The following PLCB4 variants were observed in gnomAD, a reference collection of about 807,000 sequenced individuals.
PLCB4 encodes 1-phosphatidylinositol 4,5-bisphosphate phosphodiesterase beta-4.
PLCB4 carries 77 observed loss-of-function variants against 178.8 expected under a neutral mutation model. The observed-to-expected ratio is 0.43, with a 90% CI of 0.36 to 0.52. The LOEUF (loss-of-function observed/expected upper bound fraction) is 0.52, where lower values mean the gene tolerates loss of function less well. Ranked by LOEUF, PLCB4 falls within the 20% of genes least tolerant of loss-of-function variation. The pLI is 0.00. For missense variants in PLCB4, 1,024 were observed against 1,453.4 expected (o/e 0.70, Z 4.80); for synonymous variants, 496 against 490.8 (o/e 1.01, Z -0.14).
intron 35 of PLCB4, among the ~76,000 whole-genome samples, chr20:9,460,904 T>A (rs115633309): frequency 0.016 from 2,457 of 152,320 alleles, 56 homozygotes; most frequent in African/African-American, 0.056. Context: ...CCATTTTCTG[T>A]GGGATAATGT....
chr20:9,353,369 C>T (rs773000147), intron 7 of PLCB4, among the ~76,000 whole-genome samples: 1 of 152,152 alleles, frequency 6.6e-6, no homozygotes, highest in Admixed American at 6.5e-5. Context: ...GGCATGTGGG[C>T]GTTTCCAACA....
chr20:9,070,409 A>T (rs1461988856), intron 1 of PLCB4, among the ~76,000 whole-genome samples: 2 of 152,192 alleles, frequency 1.3e-5, no homozygotes, highest in African/African-American at 4.8e-5. Flanking sequence ...CTCATATTTT[A>T]TACTCTTCAA....
chr20:9,119,810 G>A (rs6077494), intron 2 of PLCB4, among the ~76,000 whole-genome samples: 71,299 of 152,070 alleles, frequency 0.47, 17,396 homozygotes, highest in Middle Eastern at 0.57. Context: ...GTTTCCTAAG[G>A]AGATTCTTTG....
At chr20:9,152,222 A>C (rs1247529936) in intron 2 of PLCB4, among the ~76,000 whole-genome samples, 1 of 152,190 alleles carries the variant, frequency 6.6e-6, no homozygotes, top group Non-Finnish European at 1.5e-5. Context: ...GGAGAAATTC[A>C]AGCTGGCTAC....
chr20:9,318,125 G>C (rs1875782374), intron 4 of PLCB4, among the ~76,000 whole-genome samples: 1 of 151,942 alleles, frequency 6.6e-6, no homozygotes. Flanking sequence ...CTCCAGCCTG[G>C]GTGACAGTGA....
At chr20:9,199,803 A>T (rs952494979) in intron 2 of PLCB4, among the ~76,000 whole-genome samples, 15 of 151,564 alleles carry the variant, frequency 9.9e-5, no homozygotes, top group Non-Finnish European at 2.2e-4. Flanking sequence ...CGAAATTTTT[A>T]AAATTACAAT....
chr20:9,430,948 A>T (rs1458049305), intron 28 of PLCB4, among the ~76,000 whole-genome samples: 3 of 152,122 alleles, frequency 2.0e-5, no homozygotes, highest in Non-Finnish European at 4.4e-5. Context: ...TAAGTAGTGA[A>T]TTTTTTTCCC....
chr20:9,186,800 T>G (rs533437987), intron 2 of PLCB4, among the ~76,000 whole-genome samples: 4 of 152,216 alleles, frequency 2.6e-5, no homozygotes, highest in Admixed American at 2.6e-4. Flanking sequence ...TGAGTTTCTT[T>G]TCCTCCAGCC....
chr20:9,323,882 C>G (rs746039218), intron 4 of PLCB4, among the ~76,000 whole-genome samples: 1 of 152,188 alleles, frequency 6.6e-6, no homozygotes, highest in Non-Finnish European at 1.5e-5. Flanking sequence ...GTACTGCAAG[C>G]TGAGACAATT....
At chr20:9,213,208 A>C (rs2147252310) in intron 2 of PLCB4, among the ~76,000 whole-genome samples, 1 of 131,822 alleles carries the variant, frequency 7.6e-6, no homozygotes, top group East Asian at 2.0e-4. Flanking sequence ...GGTGCAGTGC[A>C]ATCTCGGCTC....
At chr20:9,189,811 T>A (rs2093377438) in intron 2 of PLCB4, among the ~76,000 whole-genome samples, 1 of 152,172 alleles carries the variant, frequency 6.6e-6, no homozygotes, top group African/African-American at 2.4e-5. Context: ...TAGTTTGCGC[T>A]AGCCCCTTTA....
chr20:9,137,638 A>T (rs2146850934), intron 2 of PLCB4, among the ~76,000 whole-genome samples: 1 of 151,824 alleles, frequency 6.6e-6, no homozygotes, highest in South Asian at 2.1e-4. Context: ...CCATCTGGAA[A>T]TTTCAGAGAT....
intron 2 of PLCB4, among the ~76,000 whole-genome samples, chr20:9,156,851 C>CCCTTCCTTCCTT (rs1281527899): frequency 2.2e-5 from 2 of 88,950 alleles, no homozygotes; most frequent in African/African-American, 9.6e-5. Context: ...CTCCCTCCCT[C>CCCTTCCTTCCTT]CCTTCCTTCC....
chr20:9,251,010 G>A (rs1230998835), intron 3 of PLCB4, among the ~76,000 whole-genome samples: 1 of 152,164 alleles, frequency 6.6e-6, no homozygotes, highest in Non-Finnish European at 1.5e-5. Context: ...TTTTACCCCA[G>A]TGTCTTCCAA....
At chr20:9,455,026 G>T (rs1305454890) in intron 33 of PLCB4, among the ~76,000 whole-genome samples, 15 of 152,204 alleles carry the variant, frequency 9.9e-5, no homozygotes, top group African/African-American at 3.6e-4. Context: ...AATATTGGTA[G>T]TGATTACAGT....
rs2035472907 is a variant in PLCB4, at chr20:9,362,931, C to T, written c.405C>T (p.Asn135=). ...AAGGCCTGAGATCAATCATACACAA[C>T]TTCAGGGCCAACAACGTCAGTCCAA... ...WVEGLRSIIH[N]FRANNVSPMT... The change falls in exon 8 of 40, where the codon AAC becomes AAT. Residue 135 remains asparagine (N), a synonymous_variant. Coordinates refer to ENST00000378473, the MANE Select transcript of PLCB4 (RefSeq NM_001377142.1). 1 of 1,613,102 alleles carries T rather than the reference C, an allele frequency of 6.2e-7. No individual in the cohort carries two copies. Among genetic ancestry groups the T allele is most frequent in the Non-Finnish European group, 8.5e-7 (1 of 1,179,130 alleles).
chr20:9,241,905 G>A (rs1193716206), intron 3 of PLCB4, among the ~76,000 whole-genome samples: 1 of 152,176 alleles, frequency 6.6e-6, no homozygotes, highest in East Asian at 1.9e-4. Flanking sequence ...GTCAGCTAGT[G>A]GGTCAGTTGG....
intron 2 of PLCB4, among the ~76,000 whole-genome samples, chr20:9,208,071 G>T (rs149827538): frequency 2.0e-5 from 3 of 152,322 alleles, no homozygotes; most frequent in African/African-American, 7.2e-5. Context: ...CAATGCATGT[G>T]TGCTTGGCCA....
chr20:9,264,310 G>T (rs576653536), intron 3 of PLCB4, among the ~76,000 whole-genome samples: 1 of 152,180 alleles, frequency 6.6e-6, no homozygotes, highest in African/African-American at 2.4e-5. Context: ...CCTACAACCT[G>T]CCATTATTGT....
Sources: allele counts gnomAD v4.1 joint callset (sites outside exome capture counted in the v4.1 genomes callset), GRCh38; gene constraint gnomAD v4.1.1; transcripts MANE v1.5; gene names NCBI Gene and HGNC (gene_info 2026-07-23, HGNC 2026-07-21).